Variants in XKRX observed in about 807,000 individuals in gnomAD.
XKRX encodes XK-related protein 2.
In XKRX, 11 loss-of-function variants were observed where a neutral mutation model predicts 22.4. That is an observed-to-expected ratio of 0.49 (90% CI 0.31 to 0.81). The LOEUF (loss-of-function observed/expected upper bound fraction) is 0.81. XKRX is among the 40% of genes least tolerant of loss of function. XKRX has a pLI of 0.05. For missense variants in XKRX, 320 were observed against 336.5 expected (o/e 0.95, Z 0.38); for synonymous variants, 114 against 132.2 (o/e 0.86, Z 0.94).
At chrX:100,956,766 A>C in the XKRX span, 3 of 557,334 alleles carry the variant, frequency 5.4e-6, no homozygotes, top group Non-Finnish European at 9.8e-6. Context: ...GAACTGAAGC[A>C]CTTGTACAGT....
intron 2 of XKRX, among the ~76,000 whole-genome samples, chrX:100,915,709 C>CGTGT (rs1210429753): frequency 5.9e-4 from 33 of 55,636 alleles, no homozygotes; most frequent in African/African-American, 1.7e-3. Context: ...TGTGTGTGTG[C>CGTGT]GTGTGTGTGT....
the XKRX span, among the ~76,000 whole-genome samples, chrX:100,899,190 C>T: frequency 1.5e-4 from 17 of 112,593 alleles, no homozygotes; most frequent in Admixed American, 1.4e-3. Context: ...GAATCACTAG[C>T]GAAAGATTTT....
At chrX:100,954,990 C>T in the XKRX span, among the ~76,000 whole-genome samples, 1 of 111,293 alleles carries the variant, frequency 9.0e-6, no homozygotes, top group Admixed American at 9.6e-5. Flanking sequence ...TTACTGGCAG[C>T]GATAGAGGCA....
the XKRX span, among the ~76,000 whole-genome samples, chrX:100,941,600 T>C: frequency 1.8e-5 from 2 of 111,862 alleles, no homozygotes; most frequent in Admixed American, 1.9e-4. Context: ...AGCACTAGCA[T>C]ATTTCAAGTG....
the XKRX span, among the ~76,000 whole-genome samples, chrX:100,941,933 C>T: frequency 3.5e-4 from 38 of 109,732 alleles, 1 homozygote; most frequent in Admixed American, 6.8e-4. Context: ...CTGCGACCTC[C>T]GCCTCCTGGG....
At chrX:100,903,671 T>C in the XKRX span, among the ~76,000 whole-genome samples, 1 of 112,073 alleles carries the variant, frequency 8.9e-6, no homozygotes, top group Non-Finnish European at 1.9e-5. Flanking sequence ...TATCTTGTTG[T>C]TGTTTTAATT....
At chrX:100,897,941 T>A in the XKRX span, among the ~76,000 whole-genome samples, 3 of 110,838 alleles carry the variant, frequency 2.7e-5, no homozygotes, top group East Asian at 8.5e-4. Flanking sequence ...AATTTGTGCA[T>A]AAAAATAATG....
At chrX:100,943,213 A>G in the XKRX span, among the ~76,000 whole-genome samples, 2 of 112,166 alleles carry the variant, frequency 1.8e-5, no homozygotes, top group African/African-American at 6.5e-5. Context: ...TACCATAAAC[A>G]TAAATATTTT....
At chrX:100,941,144 G>T in the XKRX span, among the ~76,000 whole-genome samples, 8,122 of 111,936 alleles carry the variant, frequency 0.073, 608 homozygotes, top group African/African-American at 0.23. Flanking sequence ...TATATGCCTT[G>T]CTTCCCTAAT....
At chrX:100,911,758 G>T (rs944105203), downstream of XKRX, among the ~76,000 whole-genome samples, 1 of 111,848 alleles carries the variant, frequency 8.9e-6, no homozygotes, top group African/African-American at 3.2e-5. Context: ...GTATCTGGAG[G>T]ATTTTTACAG....
At chrX:100,887,869 C>T in the XKRX span, 1 of 1,164,579 alleles carries the variant, frequency 8.6e-7, no homozygotes, top group Non-Finnish European at 1.2e-6. Flanking sequence ...CCATTATAGC[C>T]ATCCCCACTG....
intron 2 of XKRX, among the ~76,000 whole-genome samples, chrX:100,917,070 G>T (rs2085439854): frequency 9.0e-6 from 1 of 111,400 alleles, no homozygotes. Context: ...AGTGGGCCGT[G>T]ATTGCACCAC....
chrX:100,956,768 T>C, the XKRX span: 1 of 559,140 alleles, frequency 1.8e-6, no homozygotes, highest in Admixed American at 2.3e-5. Flanking sequence ...ACTGAAGCAC[T>C]TGTACAGTTT....
chrX:100,887,757 GT>G, the XKRX span: 1 of 797,336 alleles, frequency 1.3e-6, no homozygotes, highest in Non-Finnish European at 1.9e-6. Context: ...CTGCCCCAAA[GT>G]TTCCTCCCTT....
chrX:100,907,390 C>T, the XKRX span, among the ~76,000 whole-genome samples: 7 of 110,606 alleles, frequency 6.3e-5, no homozygotes, highest in African/African-American at 1.3e-4. Flanking sequence ...AGTAGAGTTG[C>T]GGTCTCACTC....
At chrX:100,902,143 G>C in the XKRX span, among the ~76,000 whole-genome samples, 3 of 111,291 alleles carry the variant, frequency 2.7e-5, no homozygotes, top group African/African-American at 9.8e-5. Flanking sequence ...AAAGTTCCCA[G>C]ATATTTGGAA....
upstream of XKRX, among the ~76,000 whole-genome samples, chrX:100,930,087 G>A (rs971498664): frequency 2.7e-5 from 3 of 109,368 alleles, no homozygotes; most frequent in Admixed American, 9.9e-5. Flanking sequence ...TCAGGAGTTC[G>A]AAACCAGCCT....
chrX:100,926,387 G>A (rs1033910571), intron 1 of XKRX, among the ~76,000 whole-genome samples: 5 of 111,819 alleles, frequency 4.5e-5, no homozygotes, highest in African/African-American at 1.6e-4. Flanking sequence ...GAGCCTAATC[G>A]ATTCCTCCCC....
the XKRX span, among the ~76,000 whole-genome samples, chrX:100,958,374 A>G: frequency 8.9e-6 from 1 of 112,335 alleles, no homozygotes; most frequent in Admixed American, 9.5e-5. Context: ...GGGTCTTCCC[A>G]TGGTGGTTCA....
Sources: gnomAD v4.1 joint callset for allele counts (sites outside exome capture counted in the v4.1 genomes callset) on GRCh38, gnomAD v4.1.1 for gene constraint, MANE v1.5 for transcripts, NCBI Gene and HGNC (gene_info 2026-07-23, HGNC 2026-07-21) for gene names.